The following RUFY4 variants were observed in gnomAD, a reference collection of about 807,000 sequenced individuals.
The protein encoded by RUFY4 is RUN and FYVE domain containing 4.
Under a neutral mutation model 69.0 loss-of-function variants are expected in RUFY4, and 73 were observed. That is an observed-to-expected ratio of 1.06 (90% confidence interval 0.88 to 1.29). The LOEUF (loss-of-function observed/expected upper bound fraction) is 1.29, where lower values mean the gene tolerates loss of function less well. RUFY4 is among the 50% of genes most tolerant of loss of function. The pLI, the probability that RUFY4 is intolerant of heterozygous loss-of-function variation, is 0.00. For missense variants in RUFY4, 770 were observed against 705.6 expected, an observed-to-expected ratio of 1.09 and a Z score of -1.03; for synonymous variants, 287 against 271.8, an observed-to-expected ratio of 1.06 and a Z score of -0.55.
At chr2:218,042,603 TTA>T (rs1226897202) in intron 2 of RUFY4, among the ~76,000 whole-genome samples, 1 of 152,142 alleles carries the variant, frequency 6.6e-6, no homozygotes, top group Non-Finnish European at 1.5e-5. Context: ...ATGTCTCTGG[TTA>T]TGTTGTTGGG....
intron 7 of RUFY4, 28 bp from the exon 10 acceptor site, chr2:218,076,399 C>T (rs976212060): frequency 3.9e-6 from 6 of 1,546,578 alleles, no homozygotes; most frequent in Admixed American, 2.0e-5. Flanking sequence ...CTCCTTCAGC[C>T]TCCTTCTCCC....
upstream of RUFY4, among the ~76,000 whole-genome samples, chr2:218,070,059 A>G (rs1689447199): frequency 6.6e-6 from 1 of 152,186 alleles, no homozygotes; most frequent in South Asian, 2.1e-4. Flanking sequence ...AAGGATGAGT[A>G]GGTGTCTCGA....
chr2:218,055,345 A>G (rs1483847189), intron 2 of RUFY4, among the ~76,000 whole-genome samples: 1 of 152,114 alleles, frequency 6.6e-6, no homozygotes, highest in Admixed American at 6.5e-5. Context: ...CAGTGAGCCA[A>G]GATCGTGCCA....
Position 218,089,975 on chromosome 2 carries a change from AT to A in RUFY4, c.1638del (p.His546GlnfsTer95). 1 of 1,566,076 alleles carries A rather than the reference AT, an allele frequency of 6.4e-7. No individual in the cohort carries two copies. ...AGGCTCTGTGGAGGCCTGCTCTGCC[AT>A]GCTTGCTCCATGGATTACAAGAAGA... On this transcript the variant is annotated frameshift_variant, in exon 11 of 11. Coordinates refer to ENST00000344321, the Ensembl canonical transcript of RUFY4. LOFTEE classifies it high-confidence loss of function.
chr2:218,064,561 A>T (rs932063438), upstream of RUFY4, among the ~76,000 whole-genome samples: 3 of 152,230 alleles, frequency 2.0e-5, no homozygotes, highest in Admixed American at 2.0e-4. Context: ...AGGTCCGGGG[A>T]GAGCTGGAGT....
At chr2:218,050,858 G>T (rs1688927733) in intron 2 of RUFY4, among the ~76,000 whole-genome samples, 1 of 152,090 alleles carries the variant, frequency 6.6e-6, no homozygotes. Context: ...TTAAAATAAT[G>T]ACCTGCTCTA....
chr2:218,041,511 C>T (rs1312171146), intron 2 of RUFY4, among the ~76,000 whole-genome samples: 2 of 151,476 alleles, frequency 1.3e-5, no homozygotes, highest in Non-Finnish European at 2.9e-5. Flanking sequence ...TGGGCAGTTC[C>T]AAACCAGAAG....
At chr2:218,063,180 C>T (rs1559427698) in intron 3 of RUFY4, among the ~76,000 whole-genome samples, 3 of 152,152 alleles carry the variant, frequency 2.0e-5, no homozygotes, top group Non-Finnish European at 2.9e-5. Flanking sequence ...AGCTTTTTTC[C>T]GAACCACAAA....
chr2:218,048,262 C>T (rs1275591625), intron 2 of RUFY4, among the ~76,000 whole-genome samples: 2 of 152,046 alleles, frequency 1.3e-5, no homozygotes, highest in African/African-American at 4.8e-5. Flanking sequence ...GTGTTCATGT[C>T]CTTTGCCCAC....
intron 2 of RUFY4, among the ~76,000 whole-genome samples, chr2:218,047,158 C>T (rs1688847030): frequency 6.7e-6 from 1 of 150,090 alleles, no homozygotes; most frequent in Non-Finnish European, 1.5e-5. Flanking sequence ...CTTGATTAAA[C>T]ACAAAATCTG....
intron 2 of RUFY4, among the ~76,000 whole-genome samples, chr2:218,054,325 C>A (rs756034957): frequency 1.3e-5 from 2 of 152,002 alleles, no homozygotes; most frequent in African/African-American, 2.4e-5. Flanking sequence ...GAGGTCGAGG[C>A]GGGAAGATCA....
At chr2:218,056,950 C>T (rs573657513) in intron 2 of RUFY4, among the ~76,000 whole-genome samples, 17 of 152,170 alleles carry the variant, frequency 1.1e-4, no homozygotes, top group South Asian at 8.3e-4. Context: ...TGGTGGCTTG[C>T]GCCTGTAGTC....
chr2:218,087,912 G>A (rs1024464601), intron 9 of RUFY4, among the ~76,000 whole-genome samples: 2 of 152,146 alleles, frequency 1.3e-5, no homozygotes, highest in African/African-American at 4.8e-5. Context: ...GAGTTAGTGA[G>A]GATGGTAATA....
At chr2:218,066,531 T>C (rs900011549), upstream of RUFY4, among the ~76,000 whole-genome samples, 3 of 152,366 alleles carry the variant, frequency 2.0e-5, no homozygotes, top group East Asian at 5.8e-4. Context: ...CATTTTGTGA[T>C]TGCAGGCCAG....
chr2:218,043,195 G>A (rs182430495), intron 2 of RUFY4, among the ~76,000 whole-genome samples: 22 of 152,042 alleles, frequency 1.4e-4, no homozygotes, highest in Admixed American at 1.2e-3. Context: ...GGAATGGGTG[G>A]CTCCTCTCTG....
intron 2 of RUFY4, among the ~76,000 whole-genome samples, chr2:218,056,702 G>A (rs1273666172): frequency 1.3e-5 from 2 of 152,206 alleles, no homozygotes; most frequent in South Asian, 2.1e-4. Flanking sequence ...CAAAGGGCCT[G>A]ACCAGGGATT....
At chr2:218,087,158 C>T (rs1359773135) in intron 9 of RUFY4, among the ~76,000 whole-genome samples, 2 of 151,912 alleles carry the variant, frequency 1.3e-5, no homozygotes, top group African/African-American at 4.8e-5. Flanking sequence ...ATAAATGCTA[C>T]CACCTTAACA....
chr2:218,048,714 CT>C (rs985692484), intron 2 of RUFY4, among the ~76,000 whole-genome samples: 2 of 152,024 alleles, frequency 1.3e-5, no homozygotes, highest in African/African-American at 4.8e-5. Flanking sequence ...CTTTTCTTCA[CT>C]TTCTCTTAAT....
At chr2:218,040,833 CG>C (rs1259865551) in intron 2 of RUFY4, among the ~76,000 whole-genome samples, 1 of 151,996 alleles carries the variant, frequency 6.6e-6, no homozygotes, top group Non-Finnish European at 1.5e-5. Flanking sequence ...CTCTGTCCCT[CG>C]ATTTGCAGAT....
Sources: allele counts gnomAD v4.1 joint callset (sites outside exome capture counted in the v4.1 genomes callset), GRCh38; gene constraint gnomAD v4.1.1; transcripts MANE v1.5; gene names NCBI Gene and HGNC (gene_info 2026-07-23, HGNC 2026-07-21).